The following MDN1 variants were observed in gnomAD, a reference collection of about 807,000 sequenced individuals.
MDN1 encodes the protein midasin AAA ATPase 1.
Under a neutral mutation model 669.2 loss-of-function variants are expected in MDN1, and 266 were observed. That is an observed-to-expected ratio of 0.40 (90% CI 0.36 to 0.44). MDN1 has a LOEUF of 0.44. Among genes scored for constraint, MDN1 ranks in the 20% least tolerant of loss-of-function variants. The pLI is 1.00. For missense variants in MDN1, 5,940 were observed against 6,754.0 expected, an observed-to-expected ratio of 0.88 and a Z score of 4.22; for synonymous variants, 2,385 against 2,457.1, an observed-to-expected ratio of 0.97 and a Z score of 0.87.
At chr6:89,729,400 G>C (rs1377215026) in intron 35 of MDN1, among the ~76,000 whole-genome samples, 1 of 152,142 alleles carries the variant, frequency 6.6e-6, no homozygotes. Flanking sequence ...ACATGTACAT[G>C]CAAACACACA....
At chr6:89,778,981 G>GA (rs568044253) in intron 11 of MDN1, among the ~76,000 whole-genome samples, 7 of 148,080 alleles carry the variant, frequency 4.7e-5, no homozygotes, top group Middle Eastern at 3.5e-3. Flanking sequence ...ATAAGCCAAA[G>GA]AAAAAAAAAA....
Position 89,772,669 on chromosome 6 carries a change from G to A in MDN1, c.1987C>T (p.Leu663Phe). The A allele has an allele frequency of 6.2e-7, 1 of 1,614,108 alleles. No homozygotes were observed. Among genetic ancestry groups the A allele is most frequent in the Non-Finnish European group, 8.5e-7 (1 of 1,179,974 alleles). ...TRPSSVLIEQ[L>F]AVCVSKGEPV... is the part of the protein sequence containing the mutation. ...TCCCCTTTGCTGACACACACTGCAA[G>A]CTGCTCGATGAGAACAGAGGACGGC... is the stretch of plus-strand genomic sequence containing the variant. The change falls in exon 14 of 102, where the codon CTT becomes TTT. Residue 663 changes from leucine (L) to phenylalanine (F), a missense_variant. Transcript: ENST00000369393.
chr6:89,700,329 A>G (rs1274521594), intron 56 of MDN1, 35 bp from the exon 57 acceptor site: 4 of 1,528,204 alleles, frequency 2.6e-6, no homozygotes, highest in Non-Finnish European at 2.7e-6. Context: ...TGAGAGCACA[A>G]TGGTTAAGAG....
Position 89,712,713 on chromosome 6 carries a change from C to A in MDN1, c.7292G>T (p.Gly2431Val). 1 of 1,614,082 alleles carries A rather than the reference C, an allele frequency of 6.2e-7. No individual in the cohort carries two copies. Among genetic ancestry groups the A allele is most frequent in the South Asian group, 1.1e-5 (1 of 91,080 alleles). Residue 2431 changes from glycine (G) to valine (V), a missense_variant, in exon 48 of 102, where the codon GGC (glycine) becomes GTC (valine). Transcript: ENST00000369393. ...AHETWGDSIL[G>V]MGLWPDSVPS... ...CACAGAATCTGGCCACAGTCCCATG[C>A]CAAGAATGGAGTCTCCCCAGGTTTC...
intron 19 of MDN1, among the ~76,000 whole-genome samples, chr6:89,757,128 G>A (rs944390294): frequency 3.3e-5 from 5 of 152,062 alleles, no homozygotes; most frequent in African/African-American, 1.2e-4. Flanking sequence ...TGAAGAGAGA[G>A]GATCTAATAA....
chr6:89,673,652 T>G, intron 79 of MDN1, 190 bp from the exon 80 acceptor site: 1 of 576,418 alleles, frequency 1.7e-6, no homozygotes. Context: ...ATTATTTTCA[T>G]AATTTGATTC....
Position 89,673,245 on chromosome 6 carries a change from T to A in MDN1, c.13465A>T (p.Ser4489Cys), listed in dbSNP as rs777908681. The change falls in exon 80 of 102, where the codon AGC becomes TGC. Residue 4489 changes from serine (S) to cysteine (C), a missense_variant. Ser to Cys is a moderately radical substitution (Grantham distance 112). Coordinates refer to ENST00000369393, the MANE Select transcript of MDN1 (RefSeq NM_014611.3). ...TWKTHLLTSDSQGGNQMLDEG... is the reference protein window; with the variant it reads ...TWKTHLLTSDCQGGNQMLDEG... ...GAACAATATTCCTTACCTCCTTGGC[T>A]ATCTGAAGTAAGCAGATGGGTCTTC... 3 of 1,612,928 alleles carry A rather than the reference T, an allele frequency of 1.9e-6. No individual in the cohort carries two copies. In the East Asian group the frequency reaches 6.7e-5, roughly 36 times the overall value.
At chr6:89,799,160 T>C (rs906461464) in intron 2 of MDN1, among the ~76,000 whole-genome samples, 1 of 152,198 alleles carries the variant, frequency 6.6e-6, no homozygotes, top group African/African-American at 2.4e-5. Context: ...CCAAATACGG[T>C]ACCTTACACA....
chr6:89,809,669 G>A (rs906767384), intron 1 of MDN1, among the ~76,000 whole-genome samples: 6 of 151,572 alleles, frequency 4.0e-5, no homozygotes, highest in East Asian at 1.9e-4. Flanking sequence ...CCAGCTACTC[G>A]GGAGGCTGAG....
At chr6:89,731,308 T>G (rs1337763868) in intron 34 of MDN1, among the ~76,000 whole-genome samples, 3 of 152,200 alleles carry the variant, frequency 2.0e-5, no homozygotes, top group African/African-American at 7.2e-5. Flanking sequence ...TTACTACTCA[T>G]GTTAAACATT....
In MDN1 at chr6:89,723,657, TTC is replaced by T. The variant is rs1814993279; in HGVS notation, c.5671-40_5671-39del. 3 of 1,253,836 alleles carry T rather than the reference TTC, an allele frequency of 2.4e-6. No individual in the cohort carries two copies. The East Asian group carries it at 7.7e-5, about 32-fold the overall frequency. The allele number at this position is 1,253,836 out of a possible 1,614,324, so 77.7% of individuals were successfully genotyped here. On this transcript the variant is annotated intron_variant, in intron 38 of 101. Coordinates refer to ENST00000369393, the MANE Select transcript of MDN1 (RefSeq NM_014611.3). ...AAATAATATGAAGAAATGCCTTTGT[TTC>T]TCTTTACCAAACACTAGAAATGACT... is the stretch of plus-strand genomic sequence containing the variant.
chr6:89,661,343 A>G, intron 88 of MDN1, 88 bp downstream of exon 88: 1 of 1,452,070 alleles, frequency 6.9e-7, no homozygotes, highest in Non-Finnish European at 9.4e-7. Flanking sequence ...TCACCTGGCC[A>G]TGACACTGAG....
At chr6:89,721,137 C>CA (rs1156887487) in intron 40 of MDN1, among the ~76,000 whole-genome samples, 1 of 151,652 alleles carries the variant, frequency 6.6e-6, no homozygotes, top group African/African-American at 2.4e-5. Context: ...GACCCTGCCT[C>CA]AAAAAAAATA....
intron 65 of MDN1, 87 bp downstream of exon 65, chr6:89,689,783 A>C: frequency 7.0e-7 from 1 of 1,430,400 alleles, no homozygotes; most frequent in African/African-American, 1.4e-5. Flanking sequence ...CAGGAAATTC[A>C]TGAGTGTGAT....
rs370592306 is a variant in MDN1, at chr6:89,713,138, T to G, written c.7218+10A>C. The G allele has an allele frequency of 5.5e-5, 88 of 1,603,242 alleles. No individual in the cohort carries two copies. The highest frequency in any genetic ancestry group is 7.2e-5 in the Non-Finnish European group (85 of 1,176,730). On this transcript the variant is annotated intron_variant, in intron 47 of 101. Coordinates refer to ENST00000369393, the MANE Select transcript of MDN1 (RefSeq NM_014611.3). ...ACAACTTAGAAACATTCTGCAATAC[T>G]TCATAGTACCTTCCGGTTTGCTGGT...
chr6:89,670,166 A>ATTTTTTTTTTTT (rs1482501704), intron 83 of MDN1, among the ~76,000 whole-genome samples: 2 of 17,718 alleles, frequency 1.1e-4, no homozygotes, highest in Admixed American at 2.3e-3. Context: ...ATATATATAT[A>ATTTTTTTTTTTT]TATATTTTTT....
rs1160799016 is a variant in MDN1, at chr6:89,675,907, C to G, written c.12645+195G>C. ...AAATCTGTCCTGCTGGCAAGTGTAA[C>G]TGAATTTATTTAAGGTGTTCTGATT... is the stretch of plus-strand genomic sequence containing the variant. On this transcript the variant is annotated intron_variant, in intron 77 of 101. Transcript: ENST00000369393. 1.6e-5 allele frequency: 9 copies of G among 564,146 alleles called. No individual in the cohort carries two copies. In the African/African-American group the frequency reaches 1.7e-4, roughly 11 times the overall value. 34.9% of individuals were successfully genotyped at this position (564,146 alleles called of 1,614,324 possible). A position where few individuals can be genotyped will look rare whatever the true frequency, so the allele number is the denominator to read the frequency against.
chr6:89,687,064 A>G (rs762709599), intron 68 of MDN1, 41 bp from the exon 69 acceptor site: 8 of 1,602,978 alleles, frequency 5.0e-6, no homozygotes, highest in South Asian at 1.1e-5. Context: ...AGGAAAACCT[A>G]TTTGAAATAT....
intron 31 of MDN1, among the ~76,000 whole-genome samples, chr6:89,740,841 T>C (rs997468949): frequency 6.6e-6 from 1 of 152,152 alleles, no homozygotes; most frequent in Non-Finnish European, 1.5e-5. Context: ...TTATCTGAAA[T>C]ACCCAGAAAA....
Sources: allele counts gnomAD v4.1 joint callset (sites outside exome capture counted in the v4.1 genomes callset), GRCh38; gene constraint gnomAD v4.1.1; transcripts MANE v1.5; gene names NCBI Gene and HGNC (gene_info 2026-07-23, HGNC 2026-07-21).